The following PRDM16 variants were observed in gnomAD, a reference collection of about 807,000 sequenced individuals.
The protein encoded by PRDM16 is PR/SET domain 16, also known as histone-lysine N-methyltransferase PRDM16.
Under a neutral mutation model 110.6 loss-of-function variants are expected in PRDM16, and 23 were observed. That is an observed-to-expected ratio of 0.21 (90% CI 0.15 to 0.29). The LOEUF is 0.29. Ranked by LOEUF, PRDM16 falls within the 10% of genes least tolerant of loss-of-function variation. The pLI is 1.00. For synonymous variants in PRDM16, 799 were observed against 781.8 expected (o/e 1.02, Z -0.37); for missense variants, 1,615 against 1,794.3 (o/e 0.90, Z 1.81).
At chr1:3,403,313 C>T (rs6664369) in intron 6 of PRDM16, among the ~76,000 whole-genome samples, 85,665 of 151,676 alleles carry the variant, frequency 0.56, 25,113 homozygotes, top group South Asian at 0.69. Context: ...GGCTGCGCTG[C>T]GGGGAGAAAC....
chr1:3,148,169 GGGAAGGAGCCCCC>G lies in PRDM16; in HGVS notation c.38-37952_38-37940del. 6.6e-6 allele frequency among the ~76,000 whole-genome samples: 1 copy of G among 152,044 alleles called. No individual in the cohort carries two copies. The highest frequency in any genetic ancestry group is 1.9e-4 in the East Asian group (1 of 5,184). ...TGTGGGAGGGGCTGGGCTGAGAGGT[GGGAAGGAGCCCCC>G]GGATGAGTGAAGAAGCTGGGTGCAA... On this transcript the variant is annotated intron_variant, in intron 1 of 16. Coordinates refer to ENST00000270722, the MANE Select transcript of PRDM16 (RefSeq NM_022114.4). The surrounding 1 kb of genome is among the most constrained non-coding windows in gnomAD (Gnocchi z 5.0).
intron 1 of PRDM16, among the ~76,000 whole-genome samples, chr1:3,114,171 A>ACG (rs1277042816): frequency 2.1e-5 from 2 of 97,420 alleles, no homozygotes; most frequent in South Asian, 3.9e-4. Context: ...ACACGCACAC[A>ACG]CACGCACACA....
chr1:3,341,481 A>G (rs906041187), intron 3 of PRDM16, among the ~76,000 whole-genome samples: 2 of 152,184 alleles, frequency 1.3e-5, no homozygotes, highest in Non-Finnish European at 2.9e-5. Flanking sequence ...GATGGAGATC[A>G]GTGTCCGGCC....
At chr1:3,180,764 A>G (rs1644141977) in intron 1 of PRDM16, among the ~76,000 whole-genome samples, 1 of 152,130 alleles carries the variant, frequency 6.6e-6, no homozygotes, top group South Asian at 2.1e-4. Flanking sequence ...GCGTTTCCCA[A>G]CCCAGAGGCC....
Position 3,135,661 on chromosome 1 carries a change from C to T in PRDM16, c.38-50464C>T, listed in dbSNP as rs185450093. On this transcript the variant is annotated intron_variant, in intron 1 of 16. Coordinates refer to ENST00000270722, the MANE Select transcript of PRDM16 (RefSeq NM_022114.4). ...GGCAGTGACAATTAAGGGGTCTCCT[C>T]ACCCAGCTTCCGGGCACTGGCATTG... 3.4e-3 allele frequency among the ~76,000 whole-genome samples: 517 copies of T among 152,360 alleles called. 5 individuals carry two copies. The highest frequency in any genetic ancestry group is 5.5e-3 in the Non-Finnish European group (376 of 68,038).
At position 3,390,148 on chromosome 1, in the gene PRDM16, G is replaced by A. The variant is rs988863730; in HGVS notation, c.573+4862G>A. Reference sequence around the variant, plus strand: ...GAAAACAAGAGCTTGGCGATGAAGCGCCTGCGGGGGGATGCGGGAGGCAGG... The same window carrying A: ...GAAAACAAGAGCTTGGCGATGAAGCACCTGCGGGGGGATGCGGGAGGCAGG... On this transcript the variant is annotated intron_variant, in intron 4 of 16. Transcript: ENST00000270722. This position sits in a 1 kb window ranked among gnomAD's most constrained non-coding sequence, Gnocchi z 5.0. Among the ~76,000 whole-genome samples the A allele has an allele frequency of 5.3e-5, 8 of 152,210 alleles. No individual in the cohort carries two copies. Among genetic ancestry groups the A allele is most frequent in the African/African-American group, 7.2e-5 (3 of 41,456 alleles).
intron 3 of PRDM16, among the ~76,000 whole-genome samples, chr1:3,340,292 G>A (rs562666094): frequency 7.9e-5 from 12 of 151,994 alleles, no homozygotes; most frequent in East Asian, 7.8e-4. Context: ...ATTGCCCCTC[G>A]GAGGGAGGTA....
chr1:3,433,278 C>T lies in PRDM16; in HGVS notation c.3697-399C>T, dbSNP rs551782683. The stretch of plus-strand genomic sequence containing the variant: ...CGTCCCTCCCGCCGTCACGCCTGCT[C>T]ATGTCTTCCTCTTCCAGGCTGCGGG... On this transcript the variant is annotated intron_variant, in intron 16 of 16. Coordinates refer to ENST00000270722, the MANE Select transcript of PRDM16 (RefSeq NM_022114.4). Among the ~76,000 whole-genome samples the T allele has an allele frequency of 2.0e-5, 3 of 152,382 alleles. No homozygotes were observed. The South Asian group carries it at 6.2e-4, about 32-fold the overall frequency.
intron 11 of PRDM16, among the ~76,000 whole-genome samples, 182 bp downstream of exon 11, chr1:3,418,179 C>G (rs572053084): frequency 8.5e-5 from 13 of 152,356 alleles, no homozygotes; most frequent in African/African-American, 3.1e-4. Context: ...GGTGGCCTCC[C>G]CTGCCTCACG....
intron 3 of PRDM16, among the ~76,000 whole-genome samples, chr1:3,287,166 G>C (rs997638109): frequency 6.6e-6 from 1 of 152,230 alleles, no homozygotes; most frequent in Admixed American, 6.5e-5. Context: ...CTGGACGCTT[G>C]ATGTTGAAAC....
At chr1:3,163,435 C>T (rs865953581) in intron 1 of PRDM16, among the ~76,000 whole-genome samples, 16 of 152,200 alleles carry the variant, frequency 1.1e-4, no homozygotes, top group Non-Finnish European at 1.8e-4. Context: ...CAGCCGGAGG[C>T]CTGAGTGAGC....
intron 3 of PRDM16, among the ~76,000 whole-genome samples, chr1:3,286,768 C>A (rs1458312991): frequency 6.6e-6 from 1 of 152,200 alleles, no homozygotes; most frequent in Non-Finnish European, 1.5e-5. Context: ...GACCTGCAAG[C>A]CTCACTCGGG....
chr1:3,144,332 G>A (rs1396198083), intron 1 of PRDM16, among the ~76,000 whole-genome samples: 2 of 152,216 alleles, frequency 1.3e-5, no homozygotes, highest in South Asian at 2.1e-4. Context: ...ACAGGCCCGT[G>A]TGGCTTTGGG....
At position 3,069,345 on chromosome 1, in the gene PRDM16, C is replaced by T. The variant is rs1245136499; in HGVS notation, c.37+49C>T. 3.1e-6 allele frequency: 3 copies of T among 960,864 alleles called. No individual in the cohort carries two copies. Among genetic ancestry groups the T allele is most frequent in the South Asian group, 9.4e-5 (2 of 21,298 alleles). The allele number at this position is 960,864 out of a possible 1,614,324, so 59.5% of individuals were successfully genotyped here. A position where few individuals can be genotyped will look rare whatever the true frequency, so the allele number is the denominator to read the frequency against. On this transcript the variant is annotated intron_variant, in intron 1 of 16. Coordinates refer to ENST00000270722, the MANE Select transcript of PRDM16 (RefSeq NM_022114.4). The surrounding 1 kb of genome is among the most constrained non-coding windows in gnomAD (Gnocchi z 6.1). ...GCCGCGCCGCCGGGGCCCGGGCCGC[C>T]GGGCCGGGGCGCCCGGGCCAGGGGT...
intron 7 of PRDM16, 93 bp downstream of exon 7, chr1:3,404,979 A>C: frequency 1.5e-5 from 21 of 1,380,556 alleles, no homozygotes; most frequent in South Asian, 2.7e-5. Flanking sequence ...CCTGGTCCAA[A>C]TGTAGATGGA....
In PRDM16 at chr1:3,255,784, C is replaced by T. The variant is rs556598482; in HGVS notation, c.438+11647C>T. ...GACAGCAGACACACATAGTCCTCAT[C>T]CTCCTTAGGCCTTGGCTCAGAATGA... On this transcript the variant is annotated intron_variant, in intron 3 of 16. Coordinates refer to ENST00000270722, the MANE Select transcript of PRDM16 (RefSeq NM_022114.4). The surrounding 1 kb of genome is among the most constrained non-coding windows in gnomAD (Gnocchi z 4.7). 6.6e-6 allele frequency among the ~76,000 whole-genome samples: 1 copy of T among 152,162 alleles called. No individual in the cohort carries two copies. The highest frequency in any genetic ancestry group is 2.4e-5 in the African/African-American group (1 of 41,538).
chr1:3,159,583 TG>T (rs1346399099), intron 1 of PRDM16, among the ~76,000 whole-genome samples: 2 of 152,220 alleles, frequency 1.3e-5, no homozygotes, highest in African/African-American at 4.8e-5. Flanking sequence ...CATCTCCACA[TG>T]CAGTCCCATT....
At chr1:3,274,728 C>T (rs1276495240) in intron 3 of PRDM16, among the ~76,000 whole-genome samples, 1 of 152,178 alleles carries the variant, frequency 6.6e-6, no homozygotes, top group East Asian at 1.9e-4. Context: ...GAGCTGACAC[C>T]CAGCAAGTTT....
At chr1:3,139,979 G>A (rs576368827) in intron 1 of PRDM16, among the ~76,000 whole-genome samples, 2 of 152,354 alleles carry the variant, frequency 1.3e-5, no homozygotes, top group South Asian at 4.1e-4. Context: ...AGACAAACAC[G>A]GCAGGCTGGA....
Sources: gnomAD v4.1 joint callset for allele counts (sites outside exome capture counted in the v4.1 genomes callset) on GRCh38, gnomAD v4.1.1 for gene constraint, Gnocchi (gnomAD v3.1) non-coding constraint, MANE v1.5 for transcripts, NCBI Gene and HGNC (gene_info 2026-07-23, HGNC 2026-07-21) for gene names.